Variants in UPF3A observed in about 807,000 individuals in gnomAD.
UPF3A encodes regulator of nonsense transcripts 3A.
Under a neutral mutation model 53.5 loss-of-function variants are expected in UPF3A, and 42 were observed. That is an observed-to-expected ratio of 0.78 (90% CI 0.61 to 1.01). The LOEUF (loss-of-function observed/expected upper bound fraction) is 1.01, where lower values mean the gene tolerates loss of function less well. UPF3A is among the 50% of genes least tolerant of loss of function. UPF3A has a pLI of 0.00. For synonymous variants in UPF3A, 237 were observed against 225.3 expected, an observed-to-expected ratio of 1.05 and a Z score of -0.47; for missense variants, 575 against 598.0, an observed-to-expected ratio of 0.96 and a Z score of 0.40.
chr13:114,291,736 A>C lies in UPF3A; in HGVS notation c.790A>C (p.Lys264Gln), dbSNP rs1222216705. The stretch of plus-strand genomic sequence containing the variant: ...AAGAAGAAGAGAAGAAGAAAGATGC[A>C]AAAAAAAAGAGACAGATAAACAGAA... ...KRRRREEERC[K>Q]KKETDKQKKI... The change falls in exon 7 of 10, where the codon AAA becomes CAA. Residue 264 changes from lysine to glutamine, a missense_variant. By Grantham distance (53) the Lys-to-Gln change is moderately conservative. Coordinates refer to ENST00000375299, the MANE Select transcript of UPF3A (RefSeq NM_023011.4). 1 of 1,531,204 alleles carries C rather than the reference A, an allele frequency of 6.5e-7. No homozygotes were observed. The highest frequency in any genetic ancestry group is 9.0e-7 in the Non-Finnish European group (1 of 1,117,182). 94.9% of individuals were successfully genotyped at this position (1,531,204 alleles called of 1,614,324 possible).
intron 2 of UPF3A, chr13:114,282,433 C>T (rs899150555): frequency 7.1e-6 from 7 of 985,128 alleles, no homozygotes; most frequent in Non-Finnish European, 7.2e-6. Flanking sequence ...CCTGCTCGTC[C>T]GCGGACGGGG....
At chr13:114,283,298 G>C (rs1394712396) in intron 3 of UPF3A, 1 of 165,422 alleles carries the variant, frequency 6.0e-6, no homozygotes, top group Admixed American at 6.2e-5. Context: ...GGGATTACAG[G>C]CGTGAGCCAC....
At chr13:114,284,312 A>G (rs954801983) in intron 3 of UPF3A, among the ~76,000 whole-genome samples, 1 of 152,112 alleles carries the variant, frequency 6.6e-6, no homozygotes, top group African/African-American at 2.4e-5. Flanking sequence ...CAGTGAGCCG[A>G]GATCATGCCA....
chr13:114,282,192 C>T (rs373778705), intron 2 of UPF3A, 65 bp downstream of exon 2: 8 of 1,319,304 alleles, frequency 6.1e-6, no homozygotes, highest in African/African-American at 3.0e-5. Context: ...GTGGCCGTCT[C>T]GTTGCCTTAC....
intron 8 of UPF3A, among the ~76,000 whole-genome samples, chr13:114,299,226 T>C (rs187477008): frequency 1.3e-5 from 2 of 152,332 alleles, no homozygotes; most frequent in East Asian, 3.9e-4. Context: ...TTCCTGTTGT[T>C]TGCTTTGCTT....
At chr13:114,294,118 TG>T (rs573360761) in intron 7 of UPF3A, among the ~76,000 whole-genome samples, 100 of 152,286 alleles carry the variant, frequency 6.6e-4, no homozygotes, top group African/African-American at 2.0e-3. Flanking sequence ...GTGCTCAGTA[TG>T]GGGGTCTTTC....
intron 9 of UPF3A, among the ~76,000 whole-genome samples, chr13:114,304,511 A>C (rs2086866975): frequency 6.6e-6 from 1 of 152,034 alleles, no homozygotes; most frequent in Admixed American, 6.6e-5. Flanking sequence ...TCACTTCCCA[A>C]CTCAGAGGGG....
intron 5 of UPF3A, chr13:114,287,297 C>T (rs1226375449): frequency 6.6e-6 from 1 of 152,600 alleles, no homozygotes; most frequent in Non-Finnish European, 1.5e-5. Context: ...CTTCACCTCT[C>T]ATCTCTCCCG....
chr13:114,295,516 T>C (rs2085872164), intron 7 of UPF3A, among the ~76,000 whole-genome samples: 1 of 152,184 alleles, frequency 6.6e-6, no homozygotes, highest in Non-Finnish European at 1.5e-5. Flanking sequence ...TCCCCAGATG[T>C]GCCCGTGGCT....
chr13:114,283,849 G>C lies in UPF3A; in HGVS notation c.421+906G>C, dbSNP rs73576976. The C allele has an allele frequency of 3.6e-5, 35 of 985,304 alleles. No homozygotes were observed. In the African/African-American group the frequency reaches 6.1e-4, roughly 17 times the overall value. The allele number at this position is 985,304 out of a possible 1,614,324, so 61.0% of individuals were successfully genotyped here. On this transcript the variant is annotated intron_variant, in intron 3 of 9. Transcript: ENST00000375299. ...TACCTTTCACAGCAAGTTGTTTTCT[G>C]CCCTCCCCTCCCCAGCCACCCTCTT... is the stretch of plus-strand genomic sequence containing the variant.
chr13:114,304,565 T>G (rs1210204523), intron 9 of UPF3A, among the ~76,000 whole-genome samples: 1 of 152,220 alleles, frequency 6.6e-6, no homozygotes, highest in Non-Finnish European at 1.5e-5. Context: ...TGTTCTTGTT[T>G]GAGCAATAAC....
At chr13:114,282,786 T>TG in intron 2 of UPF3A, 51 bp from the exon 3 acceptor site, 1 of 1,563,012 alleles carries the variant, frequency 6.4e-7, no homozygotes, top group East Asian at 2.3e-5. Context: ...GCTAAATTAA[T>TG]GGACTATTGT....
chr13:114,286,387 A>G lies in UPF3A; in HGVS notation c.507A>G (p.Gly169=), dbSNP rs769483489. The part of the protein sequence containing the change: ...KKLRKKDAKT[G]SIEDDPEYKK... ...TGAGAAAAAAAGATGCCAAGACTGG[A>G]AGCATCGAAGATGGTGAGCCCTTTC... The change falls in exon 4 of 10, where the codon GGA becomes GGG. Residue 169 remains glycine, a synonymous_variant. Coordinates refer to ENST00000375299, the MANE Select transcript of UPF3A (RefSeq NM_023011.4). The G allele has an allele frequency of 2.2e-5, 36 of 1,614,134 alleles. 1 individual carries two copies. In the South Asian group the frequency reaches 3.8e-4, roughly 17 times the overall value.
At chr13:114,291,013 G>A (rs1038536412) in intron 5 of UPF3A, among the ~76,000 whole-genome samples, 5 of 152,050 alleles carry the variant, frequency 3.3e-5, no homozygotes, top group African/African-American at 9.7e-5. Flanking sequence ...GAGATTACAT[G>A]TGTGAGCCAC....
At chr13:114,288,893 A>G (rs1269610130) in intron 5 of UPF3A, among the ~76,000 whole-genome samples, 2 of 152,206 alleles carry the variant, frequency 1.3e-5, no homozygotes, top group Non-Finnish European at 1.5e-5. Flanking sequence ...AGCTAGAAGC[A>G]GCAAATTAGA....
chr13:114,295,674 T>C (rs540258458), intron 7 of UPF3A, among the ~76,000 whole-genome samples: 8 of 152,356 alleles, frequency 5.3e-5, no homozygotes, highest in Admixed American at 2.6e-4. Flanking sequence ...TTCCTTTGTT[T>C]CCTTTTTCAT....
rs1374604645 is a variant in UPF3A, at chr13:114,281,603, C to CGGGGGCT, written c.-34_-28dup. 1.1e-5 allele frequency: 15 copies of CGGGGGCT among 1,388,206 alleles called. No individual in the cohort carries two copies. The highest frequency in any genetic ancestry group is 1.2e-5 in the Non-Finnish European group (13 of 1,074,122). 86.0% of individuals were successfully genotyped at this position (1,388,206 alleles called of 1,614,324 possible). ...CGGCCGAGCTCTCGCGAGGTTTCGT[C>CGGGGGCT]GGGGGCTGGCGGCTGCGGCTCGGCG... On this transcript the variant is annotated 5_prime_UTR_variant, in exon 1 of 10. Coordinates refer to ENST00000375299, the MANE Select transcript of UPF3A (RefSeq NM_023011.4).
chr13:114,282,421 T>A, intron 2 of UPF3A: 1 of 984,684 alleles, frequency 1.0e-6, no homozygotes, highest in Non-Finnish European at 1.2e-6. Flanking sequence ...CTCCCGGGCT[T>A]CCCTGCTCGT....
In UPF3A at chr13:114,282,277, C is replaced by A. The variant is rs60439863; in HGVS notation, c.314+150C>A. On this transcript the variant is annotated intron_variant, in intron 2 of 9. Coordinates refer to ENST00000375299, the MANE Select transcript of UPF3A (RefSeq NM_023011.4). ...TAAATACATTTCAGTAAAACGTGTCCGTTCCGTCAAAGAAAAATACCACCA... is the reference window on the plus strand; with the variant it reads ...TAAATACATTTCAGTAAAACGTGTCAGTTCCGTCAAAGAAAAATACCACCA... 5,245 of 815,408 alleles carry A rather than the reference C, an allele frequency of 6.4e-3. 205 individuals are homozygous for A. In the African/African-American group the frequency reaches 0.084, roughly 13 times the overall value. The allele number at this position is 815,408 out of a possible 1,614,324, so 50.5% of individuals were successfully genotyped here.
Sources: gnomAD v4.1 joint callset for allele counts (sites outside exome capture counted in the v4.1 genomes callset) on GRCh38, gnomAD v4.1.1 for gene constraint, MANE v1.5 for transcripts, NCBI Gene and HGNC (gene_info 2026-07-23, HGNC 2026-07-21) for gene names.